The following TAFA1 variants were observed in gnomAD, a reference collection of about 807,000 sequenced individuals.
TAFA1 encodes TAFA chemokine like family member 1, also known as chemokine-like protein TAFA-1.
Under a neutral mutation model 18.5 loss-of-function variants are expected in TAFA1, and 4 were observed. The ratio of observed to expected loss-of-function variants is 0.22; its 90% CI spans 0.11 to 0.49. TAFA1 has a LOEUF of 0.49. Among genes scored for constraint, TAFA1 ranks in the 20% least tolerant of loss-of-function variants. TAFA1 has a pLI of 0.98. For missense variants in TAFA1, 147 were observed against 169.0 expected (o/e 0.87, Z 0.72); for synonymous variants, 56 against 55.2 (o/e 1.01, Z -0.06).
At chr3:68,345,997 G>T (rs1411954212) in intron 2 of TAFA1, among the ~76,000 whole-genome samples, 1 of 152,142 alleles carries the variant, frequency 6.6e-6, no homozygotes, top group Non-Finnish European at 1.5e-5. Context: ...AGAAGGAATG[G>T]CTGGCTACTT....
At chr3:68,489,812 G>C (rs1010869479) in intron 3 of TAFA1, among the ~76,000 whole-genome samples, 9 of 144,446 alleles carry the variant, frequency 6.2e-5, no homozygotes, top group African/African-American at 2.0e-4. Context: ...CCAGTGAAAA[G>C]TTATTAATTT....
chr3:68,339,315 A>G (rs1471270099), intron 2 of TAFA1, among the ~76,000 whole-genome samples: 3 of 152,238 alleles, frequency 2.0e-5, no homozygotes, highest in African/African-American at 7.2e-5. Context: ...TAAAGTTATA[A>G]TTTCAGAACA....
intron 2 of TAFA1, among the ~76,000 whole-genome samples, chr3:68,040,061 G>T (rs1017786770): frequency 6.6e-6 from 1 of 152,170 alleles, no homozygotes. Context: ...TATGTGGAAC[G>T]ACACCTTCTG....
At chr3:68,461,577 T>C (rs1427252340) in intron 3 of TAFA1, among the ~76,000 whole-genome samples, 2 of 151,592 alleles carry the variant, frequency 1.3e-5, no homozygotes, top group Non-Finnish European at 2.9e-5. Flanking sequence ...CATATTTCTA[T>C]GTTCCTTTCA....
chr3:68,462,264 T>G (rs1265473084), intron 3 of TAFA1, among the ~76,000 whole-genome samples: 1 of 152,174 alleles, frequency 6.6e-6, no homozygotes, highest in Non-Finnish European at 1.5e-5. Context: ...AAATCTCATC[T>G]TGTAGCTCCC....
chr3:68,064,327 A>T (rs1046122113), intron 2 of TAFA1, among the ~76,000 whole-genome samples: 1 of 152,138 alleles, frequency 6.6e-6, no homozygotes, highest in African/African-American at 2.4e-5. Context: ...TATTTTTTTT[A>T]TTACCTGAAC....
intron 3 of TAFA1, among the ~76,000 whole-genome samples, chr3:68,498,351 T>C (rs2072589008): frequency 6.6e-6 from 1 of 152,134 alleles, no homozygotes; most frequent in African/African-American, 2.4e-5. Flanking sequence ...AAAGATGAAT[T>C]AGTCAATGTC....
intron 2 of TAFA1, among the ~76,000 whole-genome samples, chr3:68,174,158 T>G (rs1444051302): frequency 6.6e-6 from 1 of 152,242 alleles, no homozygotes. Flanking sequence ...AGGCACATTA[T>G]ATTTTGAAAA....
At chr3:68,343,620 A>C (rs891254696) in intron 2 of TAFA1, among the ~76,000 whole-genome samples, 1 of 152,110 alleles carries the variant, frequency 6.6e-6, no homozygotes, top group Non-Finnish European at 1.5e-5. Context: ...ATACAGTGAT[A>C]CTTGAGATCT....
intron 2 of TAFA1, among the ~76,000 whole-genome samples, chr3:68,046,019 C>A (rs948518902): frequency 4.6e-5 from 7 of 152,128 alleles, no homozygotes; most frequent in African/African-American, 1.4e-4. Context: ...CTGGAAGTAT[C>A]TTTCCCCTAA....
chr3:68,147,206 C>T (rs2065752343), intron 2 of TAFA1, among the ~76,000 whole-genome samples: 1 of 152,066 alleles, frequency 6.6e-6, no homozygotes. Context: ...CTGAGCCATA[C>T]CTCCTTAACC....
chr3:68,357,766 C>T, intron 2 of TAFA1, among the ~76,000 whole-genome samples: 1 of 151,842 alleles, frequency 6.6e-6, no homozygotes, highest in South Asian at 2.1e-4. Context: ...TTTTTATATC[C>T]CTTTTAGAGA....
At chr3:68,515,604 A>G (rs115106390) in intron 3 of TAFA1, among the ~76,000 whole-genome samples, 1 of 152,238 alleles carries the variant, frequency 6.6e-6, no homozygotes, top group Non-Finnish European at 1.5e-5. Flanking sequence ...TGATGTTGAC[A>G]TCACCAAGCC....
intron 3 of TAFA1, among the ~76,000 whole-genome samples, chr3:68,506,126 G>A (rs2072748531): frequency 6.6e-6 from 1 of 151,986 alleles, no homozygotes; most frequent in Non-Finnish European, 1.5e-5. Context: ...ATTTATGAGT[G>A]AGAACATCTG....
chr3:68,425,227 T>C (rs1338136548), intron 3 of TAFA1, among the ~76,000 whole-genome samples: 3 of 151,962 alleles, frequency 2.0e-5, no homozygotes, highest in African/African-American at 4.8e-5. Context: ...TGCCATTTGT[T>C]ACTTGTCATC....
rs553919430 is a variant in TAFA1, at chr3:68,075,871, A to G, written c.118+69127A>G. ...GCCACCATGCCTAGCTAAGTTTTGC[A>G]TTTTTCGCAGAGATGGGGTTTCACC... On this transcript the variant is annotated intron_variant, in intron 2 of 4. Transcript: ENST00000478136. Among the ~76,000 whole-genome samples the G allele has an allele frequency of 2.6e-5, 4 of 151,966 alleles. No individual in the cohort carries two copies. The East Asian group carries it at 7.8e-4, about 30-fold the overall frequency.
intron 3 of TAFA1, among the ~76,000 whole-genome samples, chr3:68,517,544 C>T (rs1001432244): frequency 3.3e-5 from 5 of 152,092 alleles, no homozygotes; most frequent in South Asian, 2.1e-4. Flanking sequence ...ATAAGATGAG[C>T]GATACAAATG....
intron 2 of TAFA1, among the ~76,000 whole-genome samples, chr3:68,122,889 A>G (rs973136892): frequency 6.6e-6 from 1 of 151,646 alleles, no homozygotes; most frequent in Non-Finnish European, 1.5e-5. Context: ...TGTATTTTAC[A>G]TCTATATATA....
chr3:68,070,505 A>G lies in TAFA1; in HGVS notation c.118+63761A>G, dbSNP rs534503952. 9.8e-5 allele frequency among the ~76,000 whole-genome samples: 15 copies of G among 152,336 alleles called. No individual in the cohort carries two copies. The South Asian group carries it at 2.9e-3, about 29-fold the overall frequency. ...ACGGGCTGCCATGAAGACCTCTGAC[A>G]TGCCCTGGAGACATTTCCCCCATTG... is the stretch of plus-strand genomic sequence containing the variant. On this transcript the variant is annotated intron_variant, in intron 2 of 4. Coordinates refer to ENST00000478136, the MANE Select transcript of TAFA1 (RefSeq NM_213609.4).
Sources: gnomAD v4.1 joint callset for allele counts (sites outside exome capture counted in the v4.1 genomes callset) on GRCh38, gnomAD v4.1.1 for gene constraint, MANE v1.5 for transcripts, NCBI Gene and HGNC (gene_info 2026-07-23, HGNC 2026-07-21) for gene names.